The following CHRNA7 variants were observed in gnomAD, a reference collection of about 807,000 sequenced individuals.
The protein encoded by CHRNA7 is cholinergic receptor nicotinic alpha 7 subunit, also known as neuronal acetylcholine receptor subunit alpha-7.
CHRNA7 carries 17 observed loss-of-function variants against 48.0 expected under a neutral mutation model. The ratio of observed to expected loss-of-function variants is 0.35; its 90% confidence interval spans 0.24 to 0.53. CHRNA7 has a LOEUF of 0.53. Among genes scored for constraint, CHRNA7 ranks in the 20% least tolerant of loss-of-function variants. CHRNA7 has a pLI of 0.92. For missense variants in CHRNA7, 155 were observed against 577.7 expected, an observed-to-expected ratio of 0.27 and a Z score of 7.50; for synonymous variants, 75 against 242.3, an observed-to-expected ratio of 0.31 and a Z score of 6.41.
At chr15:32,085,605 G>C (rs2050283225) in intron 2 of CHRNA7, among the ~76,000 whole-genome samples, 1 of 152,168 alleles carries the variant, frequency 6.6e-6, no homozygotes, top group Non-Finnish European at 1.5e-5. Context: ...AACCTGAAAA[G>C]AGTTTGTATT....
intron 2 of CHRNA7, among the ~76,000 whole-genome samples, chr15:32,095,825 G>A (rs142892157): frequency 0.014 from 2,090 of 152,268 alleles, 54 homozygotes; most frequent in African/African-American, 0.047. Flanking sequence ...TTCCGTGATC[G>A]TAATCACAGT....
At chr15:32,055,029 T>C (rs2049761393) in intron 2 of CHRNA7, among the ~76,000 whole-genome samples, 1 of 152,222 alleles carries the variant, frequency 6.6e-6, no homozygotes. Flanking sequence ...TTCTTGTTGC[T>C]CTACATACTC....
At chr15:32,105,589 C>T (rs1054392531) in intron 3 of CHRNA7, among the ~76,000 whole-genome samples, 1 of 152,122 alleles carries the variant, frequency 6.6e-6, no homozygotes, top group Non-Finnish European at 1.5e-5. Context: ...CAGATGACAG[C>T]TGGTGGTCAG....
intron 2 of CHRNA7, among the ~76,000 whole-genome samples, chr15:32,041,568 T>C (rs1595375539): frequency 6.6e-6 from 1 of 152,244 alleles, no homozygotes; most frequent in African/African-American, 2.4e-5. Context: ...AGGTGACAGG[T>C]ACTGGCCTGT....
intron 2 of CHRNA7, among the ~76,000 whole-genome samples, chr15:32,046,048 T>C (rs985847517): frequency 1.1e-4 from 17 of 151,808 alleles, no homozygotes; most frequent in Admixed American, 1.0e-3. Context: ...TGTGCCACAT[T>C]TTCTTAATCC....
At chr15:32,069,890 C>T (rs1308729536) in intron 2 of CHRNA7, among the ~76,000 whole-genome samples, 1 of 151,862 alleles carries the variant, frequency 6.6e-6, no homozygotes, top group Non-Finnish European at 1.5e-5. Flanking sequence ...CAGCGAAACA[C>T]CAGAACTTGA....
chr15:32,038,413 G>A (rs182870688), intron 2 of CHRNA7, among the ~76,000 whole-genome samples: 1 of 152,030 alleles, frequency 6.6e-6, no homozygotes, highest in Admixed American at 6.6e-5. Flanking sequence ...TTCTTTTGTA[G>A]CCTGTTGATG....
At chr15:32,046,401 G>T (rs1261451433) in intron 2 of CHRNA7, among the ~76,000 whole-genome samples, 1 of 148,014 alleles carries the variant, frequency 6.8e-6, no homozygotes, top group African/African-American at 2.6e-5. Flanking sequence ...GTTTTGATTT[G>T]CATTTCTCTG....
chr15:32,075,445 G>A (rs1037777205), intron 2 of CHRNA7, among the ~76,000 whole-genome samples: 5 of 151,744 alleles, frequency 3.3e-5, no homozygotes, highest in Admixed American at 2.0e-4. Flanking sequence ...CTTTTTTGAG[G>A]GATTTATTCA....
chr15:32,052,936 T>A (rs11071512), intron 2 of CHRNA7, among the ~76,000 whole-genome samples: 1 of 152,082 alleles, frequency 6.6e-6, no homozygotes, highest in African/African-American at 2.4e-5. Flanking sequence ...CCGATGATAC[T>A]GATTTCATCA....
At chr15:32,072,191 C>T (rs1031202997) in intron 2 of CHRNA7, among the ~76,000 whole-genome samples, 3 of 152,178 alleles carry the variant, frequency 2.0e-5, no homozygotes, top group Admixed American at 2.0e-4. Flanking sequence ...GCATTGTATT[C>T]ATGTTCTAGG....
At chr15:32,037,024 G>A (rs1217154047) in intron 2 of CHRNA7, among the ~76,000 whole-genome samples, 2 of 152,132 alleles carry the variant, frequency 1.3e-5, no homozygotes, top group East Asian at 3.9e-4. Flanking sequence ...GGTCATACAG[G>A]TTTTCCTCTA....
intron 4 of CHRNA7, among the ~76,000 whole-genome samples, chr15:32,146,805 G>A (rs61027465): frequency 0.14 from 21,975 of 152,112 alleles, 1,685 homozygotes; most frequent in East Asian, 0.33. Context: ...TCCAACTAAA[G>A]TCTTAACAGG....
chr15:32,051,701 G>A (rs1000355704), intron 2 of CHRNA7, among the ~76,000 whole-genome samples: 1 of 152,202 alleles, frequency 6.6e-6, no homozygotes, highest in Non-Finnish European at 1.5e-5. Context: ...GATGAACCTG[G>A]TAGCTCAGAT....
intron 2 of CHRNA7, among the ~76,000 whole-genome samples, chr15:32,075,161 T>C (rs755204364): frequency 4.6e-5 from 7 of 152,176 alleles, no homozygotes; most frequent in Non-Finnish European, 8.8e-5. Context: ...ATGAGAGATA[T>C]TCATCTATAT....
At chr15:32,098,639 G>A (rs2050513679) in intron 2 of CHRNA7, 2 of 152,274 alleles carry the variant, frequency 1.3e-5, no homozygotes, top group South Asian at 2.1e-4. Flanking sequence ...GCACATGGTG[G>A]ATGTGAGGGG....
At chr15:32,125,452 G>C (rs977922205) in intron 4 of CHRNA7, among the ~76,000 whole-genome samples, 2 of 152,210 alleles carry the variant, frequency 1.3e-5, no homozygotes, top group African/African-American at 4.8e-5. Flanking sequence ...GTAGCAGCAG[G>C]GTTACTGCCT....
chr15:32,122,122 G>A (rs189668730), intron 4 of CHRNA7, among the ~76,000 whole-genome samples: 80 of 152,248 alleles, frequency 5.3e-4, no homozygotes, highest in African/African-American at 1.9e-3. Context: ...TTCACATTTT[G>A]TAATCCCCCC....
At chr15:32,068,995 G>A (rs575880671) in intron 2 of CHRNA7, among the ~76,000 whole-genome samples, 1 of 152,274 alleles carries the variant, frequency 6.6e-6, no homozygotes, top group Non-Finnish European at 1.5e-5. Flanking sequence ...GCTTTCGTCT[G>A]CTAGCTAATG....
Sources: gnomAD v4.1 joint callset for allele counts (sites outside exome capture counted in the v4.1 genomes callset) on GRCh38, gnomAD v4.1.1 for gene constraint, MANE v1.5 for transcripts, NCBI Gene and HGNC (gene_info 2026-07-23, HGNC 2026-07-21) for gene names.